Variants in ACAP2 observed in about 807,000 individuals in gnomAD.
The protein encoded by ACAP2 is ArfGAP with coiled-coil, ankyrin repeat and PH domains 2.
ACAP2 carries 39 observed loss-of-function variants against 115.8 expected under a neutral mutation model. That is an observed-to-expected ratio of 0.34 (90% CI 0.26 to 0.44). The LOEUF (loss-of-function observed/expected upper bound fraction) is 0.44. Among genes scored for constraint, ACAP2 ranks in the 20% least tolerant of loss-of-function variants. ACAP2 has a pLI of 1.00. For synonymous variants in ACAP2, 289 were observed against 315.8 expected (o/e 0.92, Z 0.90); for missense variants, 662 against 927.6 (o/e 0.71, Z 3.72).
At position 195,318,764 on chromosome 3, in the gene ACAP2, A is replaced by G. The variant is rs181596556; in HGVS notation, c.857+1937T>C. Among the ~76,000 whole-genome samples the G allele has an allele frequency of 4.8e-4, 73 of 152,334 alleles. 1 individual carries two copies. The highest frequency in any genetic ancestry group is 1.0e-4 in the Non-Finnish European group (7 of 68,036). On this transcript the variant is annotated intron_variant, in intron 10 of 22. Coordinates refer to ENST00000326793, the MANE Select transcript of ACAP2 (RefSeq NM_012287.6). Reference sequence around the variant, plus strand: ...GAAGCAGAGCATAACAGTTTGGAAAATTTGCAGCCTGACCATGAGGTATAA... The same window carrying G: ...GAAGCAGAGCATAACAGTTTGGAAAGTTTGCAGCCTGACCATGAGGTATAA...
intron 10 of ACAP2, among the ~76,000 whole-genome samples, chr3:195,314,264 T>A (rs1241786700): frequency 7.1e-6 from 1 of 140,758 alleles, no homozygotes; most frequent in Non-Finnish European, 1.5e-5. Context: ...AGAAAGAAGA[T>A]TTTTTTTTTT....
rs1282078543 is a variant in ACAP2 at position 195,308,836 on chromosome 3, G to A, written c.859C>T (p.Arg287Cys). Residue 287 changes from arginine (R) to cysteine (C), a missense_variant and splice_region_variant, in exon 11 of 23, where the codon CGC becomes TGC. Physicochemically the swap from Arg to Cys is radical, Grantham distance 180. Coordinates refer to ENST00000326793, the MANE Select transcript of ACAP2 (RefSeq NM_012287.6). ...ASNAFKTWNR[R>C]WFSIQNNQLV... is the part of the protein sequence containing the mutation. ...TGATTATTCTGTATTGAAAACCAGC[G>A]CCTACAGAAACACAAAATAGATTAA... 3.1e-6 allele frequency: 5 copies of A among 1,606,186 alleles called. No individual in the cohort carries two copies. Among genetic ancestry groups the A allele is most frequent in the Non-Finnish European group, 4.2e-6 (5 of 1,177,520 alleles).
intron 4 of ACAP2, among the ~76,000 whole-genome samples, chr3:195,363,364 C>T (rs979795762): frequency 2.6e-5 from 4 of 151,992 alleles, no homozygotes; most frequent in African/African-American, 4.8e-5. Flanking sequence ...ATGTCCAGGC[C>T]GGGCACGGTG....
chr3:195,281,851 A>T (rs1217438030), intron 22 of ACAP2, among the ~76,000 whole-genome samples: 1 of 152,248 alleles, frequency 6.6e-6, no homozygotes, highest in African/African-American at 2.4e-5. Context: ...AAATATGTAA[A>T]ATATTTATTG....
intron 4 of ACAP2, among the ~76,000 whole-genome samples, chr3:195,365,742 A>C (rs1049376999): frequency 2.6e-5 from 4 of 152,230 alleles, no homozygotes; most frequent in South Asian, 4.1e-4. Flanking sequence ...GCCTAAAATC[A>C]ATGAAGAGAA....
At position 195,361,224 on chromosome 3, in the gene ACAP2, C is replaced by T. The variant is rs984870124; in HGVS notation, c.286-15907G>A. On this transcript the variant is annotated intron_variant, in intron 4 of 22. Transcript: ENST00000326793. ...CCAAGACAGGCAGATCACTTGAGGC[C>T]AGGAGTTTGAGACCAGCCTGGCCAA... is the stretch of plus-strand genomic sequence containing the variant. 6.2e-4 allele frequency among the ~76,000 whole-genome samples: 95 copies of T among 152,176 alleles called. 1 individual carries two copies. The highest frequency in any genetic ancestry group is 2.3e-3 in the African/African-American group (94 of 41,522).
chr3:195,317,728 A>G (rs1321570131), intron 10 of ACAP2, among the ~76,000 whole-genome samples: 1 of 152,218 alleles, frequency 6.6e-6, no homozygotes, highest in African/African-American at 2.4e-5. Context: ...TTTGGTAGCC[A>G]TCAAGTTTAG....
At position 195,287,505 on chromosome 3, in the gene ACAP2, A is replaced by G. The variant is rs111998416; in HGVS notation, c.2174+1616T>C. 7.2e-5 allele frequency among the ~76,000 whole-genome samples: 11 copies of G among 152,054 alleles called. 1 individual carries two copies. Among genetic ancestry groups the G allele is most frequent in the African/African-American group, 2.7e-4 (11 of 41,458 alleles). ...GGCTAATTTTTAATTTTTTGTAGAG[A>G]CAGGGCCTCGCTATGTTGCCCAGGC... On this transcript the variant is annotated intron_variant, in intron 21 of 22. Coordinates refer to ENST00000326793, the MANE Select transcript of ACAP2 (RefSeq NM_012287.6).
intron 10 of ACAP2, among the ~76,000 whole-genome samples, chr3:195,319,300 T>A (rs116427516): frequency 0.024 from 3,708 of 152,252 alleles, 144 homozygotes; most frequent in African/African-American, 0.083. Flanking sequence ...TGGGATTGGA[T>A]CTCCCACATA....
intron 10 of ACAP2, among the ~76,000 whole-genome samples, chr3:195,317,468 A>G (rs1223978930): frequency 6.6e-6 from 1 of 152,210 alleles, no homozygotes; most frequent in Admixed American, 6.5e-5. Context: ...CTCATATTAC[A>G]GAATTTTTTT....
intron 9 of ACAP2, among the ~76,000 whole-genome samples, chr3:195,324,252 T>C (rs1729631772): frequency 6.6e-6 from 1 of 152,136 alleles, no homozygotes; most frequent in Non-Finnish European, 1.5e-5. Flanking sequence ...CAGCATAGTA[T>C]TGACAGTTTA....
intron 2 of ACAP2, among the ~76,000 whole-genome samples, chr3:195,382,837 C>A (rs1734039692): frequency 6.6e-6 from 1 of 150,736 alleles, no homozygotes; most frequent in African/African-American, 2.4e-5. Flanking sequence ...TAGATAAATT[C>A]TACAGAGCAC....
intron 13 of ACAP2, among the ~76,000 whole-genome samples, chr3:195,302,581 A>T (rs561914163): frequency 5.7e-4 from 86 of 151,680 alleles, no homozygotes; most frequent in African/African-American, 2.0e-3. Context: ...TAAGCTAGTC[A>T]TTGTTTTTTT....
chr3:195,342,386 T>C, intron 6 of ACAP2, 85 bp downstream of exon 6: 1 of 1,317,202 alleles, frequency 7.6e-7, no homozygotes, highest in South Asian at 1.7e-5. Context: ...TAAAAGTATT[T>C]ATTCTTCTTA....
At chr3:195,286,946 T>A (rs1403636106) in intron 21 of ACAP2, among the ~76,000 whole-genome samples, 1 of 152,250 alleles carries the variant, frequency 6.6e-6, no homozygotes, top group Non-Finnish European at 1.5e-5. Flanking sequence ...CTGTAATGAT[T>A]TAAGAGTTCT....
chr3:195,324,771 A>G (rs751819666), intron 9 of ACAP2, among the ~76,000 whole-genome samples: 1 of 152,082 alleles, frequency 6.6e-6, no homozygotes, highest in African/African-American at 2.4e-5. Flanking sequence ...TAAAAAATAA[A>G]GATCTAAAAA....
intron 22 of ACAP2, 95 bp from the exon 23 acceptor site, chr3:195,279,523 A>T (rs1726350609): frequency 4.1e-6 from 3 of 736,754 alleles, no homozygotes; most frequent in Middle Eastern, 8.3e-4. Context: ...ATAATTCATT[A>T]CATTAAAATT....
intron 2 of ACAP2, among the ~76,000 whole-genome samples, chr3:195,385,856 G>A (rs567976472): frequency 2.6e-5 from 4 of 152,318 alleles, no homozygotes; most frequent in East Asian, 3.9e-4. Context: ...TAAAATAGTG[G>A]AGAATTCTGC....
At chr3:195,304,587 G>A (rs1728300442) in intron 13 of ACAP2, among the ~76,000 whole-genome samples, 1 of 152,178 alleles carries the variant, frequency 6.6e-6, no homozygotes, top group Non-Finnish European at 1.5e-5. Flanking sequence ...TTCTCTGGAG[G>A]ATTAAAACAG....
Sources: allele counts gnomAD v4.1 joint callset (sites outside exome capture counted in the v4.1 genomes callset), GRCh38; gene constraint gnomAD v4.1.1; transcripts MANE v1.5; gene names NCBI Gene and HGNC (gene_info 2026-07-23, HGNC 2026-07-21).